Variants in POLE4 observed in about 807,000 individuals in gnomAD.
POLE4 encodes DNA polymerase epsilon subunit 4.
POLE4 carries 15 observed loss-of-function variants against 15.6 expected under a neutral mutation model. That is an observed-to-expected ratio of 0.96 (90% CI 0.64 to 1.48). POLE4 has a LOEUF of 1.48. Ranked by LOEUF, POLE4 falls within the 40% of genes most tolerant of loss-of-function variation. POLE4 has a pLI of 0.00. For missense variants in POLE4, 205 were observed against 151.9 expected, an observed-to-expected ratio of 1.35 and a Z score of -1.84; for synonymous variants, 83 against 63.2, an observed-to-expected ratio of 1.31 and a Z score of -1.49.
intron 3 of POLE4, among the ~76,000 whole-genome samples, chr2:74,963,465 A>T (rs1671252671): frequency 6.6e-6 from 1 of 150,704 alleles, no homozygotes; most frequent in African/African-American, 2.4e-5. Flanking sequence ...CCTTTTTCTT[A>T]TTGACTTATA....
At chr2:74,959,255 C>T (rs1558826723) in intron 1 of POLE4, 86 bp from the exon 2 acceptor site, 2 of 811,380 alleles carry the variant, frequency 2.5e-6, no homozygotes, top group Middle Eastern at 2.3e-4. Context: ...TTTCTTCTCC[C>T]TTTCTGCCCC....
At chr2:74,959,143 T>A (rs1246047998) in intron 1 of POLE4, 198 bp from the exon 2 acceptor site, 2 of 610,348 alleles carry the variant, frequency 3.3e-6, no homozygotes, top group Non-Finnish European at 5.9e-6. Flanking sequence ...CTTGTAGGAG[T>A]CTTTAGTGAA....
At chr2:74,968,345 A>C (rs1350878677) in intron 3 of POLE4, among the ~76,000 whole-genome samples, 3 of 151,916 alleles carry the variant, frequency 2.0e-5, no homozygotes, top group African/African-American at 7.3e-5. Flanking sequence ...TATCCTTTCA[A>C]CTGTGTAGCT....
At chr2:74,962,622 A>C (rs931543460) in intron 3 of POLE4, among the ~76,000 whole-genome samples, 4 of 152,214 alleles carry the variant, frequency 2.6e-5, no homozygotes, top group African/African-American at 9.7e-5. Context: ...ATGAAATACA[A>C]CGTATGTAAA....
At chr2:74,959,899 G>T (rs1037068060) in intron 2 of POLE4, 2 of 565,186 alleles carry the variant, frequency 3.5e-6, no homozygotes, top group Admixed American at 3.4e-5. Flanking sequence ...ATTTGCCTAT[G>T]CTTTTCTTAA....
intron 3 of POLE4, 97 bp downstream of exon 3, chr2:74,960,243 T>C: frequency 2.9e-6 from 3 of 1,036,330 alleles, no homozygotes; most frequent in Non-Finnish European, 4.6e-6. Context: ...TTCTTGTTTG[T>C]GTAGGGATAA....
intron 3 of POLE4, chr2:74,961,353 T>C (rs1671218589): frequency 6.6e-6 from 1 of 152,238 alleles, no homozygotes; most frequent in Admixed American, 6.5e-5. Context: ...ATGTCTAGAC[T>C]ATTGAGCATT....
intron 2 of POLE4, 33 bp downstream of exon 2, chr2:74,959,458 A>G: frequency 7.0e-7 from 1 of 1,419,540 alleles, no homozygotes; most frequent in East Asian, 2.3e-5. Context: ...GGGGACAGAC[A>G]AGGGAGGGCT....
At chr2:74,959,014 C>A (rs1671171651) in intron 1 of POLE4, 122 bp downstream of exon 1, 2 of 899,898 alleles carry the variant, frequency 2.2e-6, no homozygotes, top group South Asian at 3.4e-5. Flanking sequence ...TGGGCGTGGA[C>A]CCGGAAGGCG....
intron 3 of POLE4, among the ~76,000 whole-genome samples, chr2:74,965,641 T>G (rs1671284386): frequency 6.6e-6 from 1 of 152,228 alleles, no homozygotes; most frequent in Non-Finnish European, 1.5e-5. Flanking sequence ...CTTATATTTC[T>G]GGGTCTATTC....
At chr2:74,959,495 A>G (rs1671184428) in intron 2 of POLE4, 70 bp downstream of exon 2, 1 of 968,676 alleles carries the variant, frequency 1.0e-6, no homozygotes, top group Non-Finnish European at 1.6e-6. Flanking sequence ...GTGCAGGTTG[A>G]GAAGACGTCA....
intron 3 of POLE4, among the ~76,000 whole-genome samples, chr2:74,967,327 T>C (rs1671311106): frequency 6.6e-6 from 1 of 152,010 alleles, no homozygotes; most frequent in Non-Finnish European, 1.5e-5. Context: ...TTTTTTGTTT[T>C]TTTTTTTTAG....
At chr2:74,962,979 G>A (rs556903608) in intron 3 of POLE4, among the ~76,000 whole-genome samples, 1 of 152,292 alleles carries the variant, frequency 6.6e-6, no homozygotes, top group South Asian at 2.1e-4. Context: ...CTGTGTGATT[G>A]CACATAACTC....
chr2:74,965,648 A>G (rs1326119788), intron 3 of POLE4, among the ~76,000 whole-genome samples: 5 of 152,330 alleles, frequency 3.3e-5, no homozygotes, highest in East Asian at 1.9e-4. Context: ...TTCTGGGTCT[A>G]TTCTTTCATT....
At chr2:74,960,177 C>T (rs769080670) in intron 3 of POLE4, 31 bp downstream of exon 3, 16 of 1,581,238 alleles carry the variant, frequency 1.0e-5, no homozygotes, top group South Asian at 3.3e-5. Flanking sequence ...CAATCATTTC[C>T]GCCTGTCTTT....
chr2:74,962,597 C>G (rs927689985), intron 3 of POLE4, among the ~76,000 whole-genome samples: 2 of 152,052 alleles, frequency 1.3e-5, no homozygotes, highest in African/African-American at 4.8e-5. Flanking sequence ...TATGTATATT[C>G]TTTTTCTAAG....
Position 74,958,753 on chromosome 2 carries a change from C to T in POLE4, c.74C>T (p.Ser25Leu), listed in dbSNP as rs1051221216. ...EEGPAGEAAA[S>L]QPQAPTSVPG... ...GGACCTGCTGGGGAGGCAGCGGCCT[C>T]GCAGCCCCAGGCCCCAACGAGTGTG... is the stretch of plus-strand genomic sequence containing the variant. The change falls in exon 1 of 4, where the codon TCG becomes TTG. Residue 25 changes from serine (S) to leucine (L), a missense_variant. Ser to Leu is a moderately radical substitution (Grantham distance 145, BLOSUM62 -2). Coordinates refer to ENST00000483063, the MANE Select transcript of POLE4 (RefSeq NM_019896.4). The T allele has an allele frequency of 3.5e-5, 53 of 1,529,784 alleles. No homozygotes were observed. In the East Asian group the frequency reaches 1.4e-3, roughly 40 times the overall value. The allele number at this position is 1,529,784 out of a possible 1,614,324, so 94.8% of individuals were successfully genotyped here.
At chr2:74,966,148 A>G (rs191154136) in intron 3 of POLE4, among the ~76,000 whole-genome samples, 15 of 146,240 alleles carry the variant, frequency 1.0e-4, no homozygotes. Flanking sequence ...CTATTCTTTT[A>G]GTGATTATCA....
In POLE4 at chr2:74,966,192, A is replaced by G. The variant is rs538192087; in HGVS notation, c.341-3217A>G. Among the ~76,000 whole-genome samples, 15 of 152,128 alleles carry G rather than the reference A, an allele frequency of 9.9e-5. No individual in the cohort carries two copies. In the South Asian group the frequency reaches 1.2e-3, roughly 13 times the overall value. On this transcript the variant is annotated intron_variant, in intron 3 of 3. Coordinates refer to ENST00000483063, the MANE Select transcript of POLE4 (RefSeq NM_019896.4). ...GTAAGTCCTTAATTTATCAAAGCCT[A>G]TTTAGTACCTTTCCCCTCATTCTCA... is the stretch of plus-strand genomic sequence containing the variant.
Sources: allele counts gnomAD v4.1 joint callset (sites outside exome capture counted in the v4.1 genomes callset), GRCh38; gene constraint gnomAD v4.1.1; transcripts MANE v1.5; gene names NCBI Gene and HGNC (gene_info 2026-07-23, HGNC 2026-07-21).